The following GTPBP1 variants were observed in gnomAD, a reference collection of about 807,000 sequenced individuals.
GTPBP1 encodes GTP-binding protein 1.
GTPBP1 carries 23 observed loss-of-function variants against 62.0 expected under a neutral mutation model. The ratio of observed to expected loss-of-function variants is 0.37; its 90% CI spans 0.27 to 0.53. The LOEUF is 0.53. Among genes scored for constraint, GTPBP1 ranks in the 20% least tolerant of loss-of-function variants. The pLI, the probability that GTPBP1 is intolerant of heterozygous loss-of-function variation, is 0.89. For missense variants in GTPBP1, 640 were observed against 917.3 expected, an observed-to-expected ratio of 0.70 and a Z score of 3.90; for synonymous variants, 344 against 364.4, an observed-to-expected ratio of 0.94 and a Z score of 0.64.
At chr22:38,740,818 T>C, downstream of GTPBP1, 1 of 642,740 alleles carries the variant, frequency 1.6e-6, no homozygotes, top group Non-Finnish European at 2.7e-6. This position sits in a 1 kb window ranked among gnomAD's most constrained non-coding sequence, Gnocchi z 4.8. Context: ...ACCCCCCTGC[T>C]AACCTCCATG....
At chr22:38,715,410 T>C (rs2092663977) in intron 2 of GTPBP1, among the ~76,000 whole-genome samples, 1 of 152,182 alleles carries the variant, frequency 6.6e-6, no homozygotes, top group Non-Finnish European at 1.5e-5. Flanking sequence ...GCTTTGTTCC[T>C]CTGGCTAGGA....
At chr22:38,738,415 C>T (rs1040308448), downstream of GTPBP1, 33 of 1,131,718 alleles carry the variant, frequency 2.9e-5, 1 homozygote, top group Non-Finnish European at 4.0e-5. This position sits in a 1 kb window ranked among gnomAD's most constrained non-coding sequence, Gnocchi z 6.6. Context: ...GTTTCTGCCT[C>T]CAAAGCCTAA....
downstream of GTPBP1, chr22:38,739,853 C>T (rs1392266565): frequency 6.2e-7 from 1 of 1,613,500 alleles, no homozygotes; most frequent in Non-Finnish European, 8.5e-7. This position sits in a 1 kb window ranked among gnomAD's most constrained non-coding sequence, Gnocchi z 6.7. Context: ...CGCAGCTGAG[C>T]TTGCATCTCC....
chr22:38,725,830 C>G, intron 6 of GTPBP1, 176 bp from the exon 7 acceptor site: 1 of 638,810 alleles, frequency 1.6e-6, no homozygotes, highest in Non-Finnish European at 2.8e-6. Flanking sequence ...TGGCCAGGAG[C>G]TTGCTAGGTC....
downstream of GTPBP1, chr22:38,737,907 C>T: frequency 1.5e-6 from 1 of 656,096 alleles, no homozygotes; most frequent in South Asian, 1.5e-5. The surrounding 1 kb of genome is among the most constrained non-coding windows in gnomAD (Gnocchi z 4.1). Context: ...CCTGGCCACC[C>T]AACCCCTCTT....
intron 5 of GTPBP1, chr22:38,723,317 G>T: frequency 1.2e-6 from 1 of 843,436 alleles, no homozygotes; most frequent in Non-Finnish European, 2.1e-6. Context: ...GGCGACAGCA[G>T]GTGCATGGTA....
chr22:38,711,833 TA>T (rs370698760), intron 2 of GTPBP1, among the ~76,000 whole-genome samples: 71 of 148,106 alleles, frequency 4.8e-4, no homozygotes, highest in African/African-American at 1.5e-3. Flanking sequence ...GAAAAACAAT[TA>T]AAAAAAAAAG....
Position 38,708,461 on chromosome 22 carries a change from T to A in GTPBP1, c.193-384T>A, listed in dbSNP as rs546700619. Among the ~76,000 whole-genome samples the A allele has an allele frequency of 4.9e-4, 75 of 152,294 alleles. 1 individual carries two copies. The South Asian group carries it at 0.015, about 30-fold the overall frequency. On this transcript the variant is annotated intron_variant, in intron 1 of 11. Transcript: ENST00000216044. Reference sequence around the variant, plus strand: ...ATGGAGGTATATGAGGTATATGTCTTGTGGGCTTCCAGATGCCAACTGCAG... The same window carrying A: ...ATGGAGGTATATGAGGTATATGTCTAGTGGGCTTCCAGATGCCAACTGCAG...
At position 38,716,785 on chromosome 22, in the gene GTPBP1, C is replaced by T. The variant is rs199570933; in HGVS notation, c.619C>T (p.Arg207Cys). The part of the protein sequence containing the change: ...FRHKHEIESG[R>C]TSSVGNDILG... ...CCACAAACATGAAATTGAATCTGGTCGCACCAGCAGTGTGGGCAACGACAT... is the reference window on the plus strand; with the variant it reads ...CCACAAACATGAAATTGAATCTGGTTGCACCAGCAGTGTGGGCAACGACAT... Residue 207 changes from arginine (R) to cysteine (C), a missense_variant, in exon 4 of 12, where the codon CGC becomes TGC. By Grantham distance (180) the Arg-to-Cys change is radical. This residue lies in a region of GTPBP1 where 88 missense variants were observed against 217.0 expected (regional missense o/e 0.41). Transcript: ENST00000216044. This position sits in a 1 kb window ranked among gnomAD's most constrained non-coding sequence, Gnocchi z 5.2. The T allele has an allele frequency of 2.5e-6, 4 of 1,614,050 alleles. No individual in the cohort carries two copies. Among genetic ancestry groups the T allele is most frequent in the Non-Finnish European group, 8.5e-7 (1 of 1,179,958 alleles).
At chr22:38,742,700 G>A (rs971798431), downstream of GTPBP1, 48 of 1,110,428 alleles carry the variant, frequency 4.3e-5, no homozygotes, top group Non-Finnish European at 5.6e-5. Context: ...GCCGGCTGGA[G>A]CTCGTGGGCA....
intron 4 of GTPBP1, 93 bp downstream of exon 4, chr22:38,717,093 T>G (rs1258276409): frequency 2.5e-6 from 2 of 790,308 alleles, no homozygotes; most frequent in Admixed American, 4.6e-5. Flanking sequence ...GACTGAGGCC[T>G]GTTGGTTTGG....
At position 38,708,962 on chromosome 22, in the gene GTPBP1, CAT is replaced by C. The variant is rs2092622389; in HGVS notation, c.304+8_304+9del. On this transcript the variant is annotated splice_region_variant and intron_variant, in intron 2 of 11. Transcript: ENST00000216044. ...TGTCATTGGGCAGGGATCAGGTGAGCATAGTTTTCCTTTCACTTTATTTTTAA... is the reference window on the plus strand; with the variant it reads ...TGTCATTGGGCAGGGATCAGGTGAGCAGTTTTCCTTTCACTTTATTTTTAA... 6.7e-7 allele frequency: 1 copy of C among 1,485,988 alleles called. No individual in the cohort carries two copies. The highest frequency in any genetic ancestry group is 1.4e-5 in the African/African-American group (1 of 72,662). 92.1% of individuals were successfully genotyped at this position (1,485,988 alleles called of 1,614,324 possible). A position where few individuals can be genotyped will look rare whatever the true frequency, so the allele number is the denominator to read the frequency against.
chr22:38,723,454 C>A, intron 5 of GTPBP1: 1 of 1,077,814 alleles, frequency 9.3e-7, no homozygotes, highest in African/African-American at 1.6e-5. Flanking sequence ...GAATGGCACT[C>A]ACATGTCGGG....
chr22:38,709,506 A>G (rs1453465713), intron 2 of GTPBP1, among the ~76,000 whole-genome samples: 2 of 152,122 alleles, frequency 1.3e-5, no homozygotes, highest in East Asian at 3.9e-4. Context: ...AGTACTCTCT[A>G]TTTGCATAAG....
At chr22:38,707,744 C>T (rs2092613613) in intron 1 of GTPBP1, among the ~76,000 whole-genome samples, 1 of 152,152 alleles carries the variant, frequency 6.6e-6, no homozygotes, top group South Asian at 2.1e-4. Context: ...AGTGTTATTT[C>T]ATCACATAGC....
downstream of GTPBP1, chr22:38,735,150 CCCT>C (rs1569290668): frequency 4.7e-6 from 2 of 424,168 alleles, no homozygotes; most frequent in Non-Finnish European, 9.3e-6. Context: ...TCTAAAAGTC[CCCT>C]CCTCCCCCTT....
chr22:38,715,574 C>T (rs560710498), intron 2 of GTPBP1, among the ~76,000 whole-genome samples: 1 of 152,148 alleles, frequency 6.6e-6, no homozygotes, highest in Non-Finnish European at 1.5e-5. Flanking sequence ...TAATTAATTT[C>T]CTGTCTGCCT....
At chr22:38,736,458 A>G, downstream of GTPBP1, 2 of 1,236,318 alleles carry the variant, frequency 1.6e-6, no homozygotes, top group South Asian at 1.5e-5. Flanking sequence ...AAGGGGAGAC[A>G]GCCTCGCCTA....
intron 4 of GTPBP1, among the ~76,000 whole-genome samples, 199 bp from the exon 5 acceptor site, chr22:38,721,543 G>A (rs1569281149): frequency 6.6e-6 from 1 of 152,188 alleles, no homozygotes; most frequent in Non-Finnish European, 1.5e-5. Context: ...GCTCAGGACA[G>A]TTGTTTCCCT....
Sources: allele counts gnomAD v4.1 joint callset (sites outside exome capture counted in the v4.1 genomes callset), GRCh38; gene constraint gnomAD v4.1.1; regional missense constraint gnomAD v4.1.1; non-coding constraint Gnocchi (gnomAD v3.1); transcripts MANE v1.5; gene names NCBI Gene and HGNC (gene_info 2026-07-23, HGNC 2026-07-21).